Variants in EML4 observed in about 807,000 individuals in gnomAD.
EML4 encodes echinoderm microtubule-associated protein-like 4.
A neutral mutation model predicts 129.0 loss-of-function variants in EML4; 72 were observed. The ratio of observed to expected loss-of-function variants is 0.56; its 90% CI spans 0.46 to 0.68. EML4 has a LOEUF of 0.68. EML4 is among the 30% of genes least tolerant of loss of function. The pLI is 0.00. For missense variants in EML4, 1,363 were observed against 1,190.6 expected (o/e 1.14, Z -2.13); for synonymous variants, 532 against 405.0 (o/e 1.31, Z -3.77).
intron 6 of EML4, among the ~76,000 whole-genome samples, chr2:42,278,352 T>C (rs191129182): frequency 1.8e-4 from 27 of 151,996 alleles, no homozygotes; most frequent in African/African-American, 6.3e-4. Context: ...GGGGCGCGGA[T>C]CACTTGAAGT....
intron 4 of EML4, among the ~76,000 whole-genome samples, chr2:42,261,973 G>A (rs775299668): frequency 6.6e-6 from 1 of 152,140 alleles, no homozygotes; most frequent in African/African-American, 2.4e-5. Flanking sequence ...CAGTGCTACA[G>A]CTGCCTCCTA....
chr2:42,232,012 T>A lies in EML4; in HGVS notation c.26-13493T>A, dbSNP rs561252183. ...AAATTTCTGGCAGTAATTTTTTTTT[T>A]AAATTCTCAGCACTTTGAAAATTTT... On this transcript the variant is annotated intron_variant, in intron 1 of 22. Transcript: ENST00000318522. 6.4e-4 allele frequency among the ~76,000 whole-genome samples: 98 copies of A among 152,266 alleles called. 1 individual carries two copies. Among genetic ancestry groups the A allele is most frequent in the African/African-American group, 2.0e-3 (83 of 41,560 alleles).
rs766615137 is a variant in EML4, at chr2:42,281,002, C to A, written c.791+29C>A. On this transcript the variant is annotated intron_variant, in intron 7 of 22. Coordinates refer to ENST00000318522, the MANE Select transcript of EML4 (RefSeq NM_019063.5). ...TCCTTCTCTACCATGACAGCAAATT[C>A]ATTTGCTTTGTCTCTAGTTAACAAA... 5.9e-6 allele frequency: 9 copies of A among 1,526,822 alleles called. No homozygotes were observed. The Admixed American group carries it at 1.8e-4, about 30-fold the overall frequency. The allele number at this position is 1,526,822 out of a possible 1,614,324, so 94.6% of individuals were successfully genotyped here. A position where few individuals can be genotyped will look rare whatever the true frequency, so the allele number is the denominator to read the frequency against.
chr2:42,264,224 C>T (rs928397276), intron 5 of EML4, among the ~76,000 whole-genome samples: 4 of 148,294 alleles, frequency 2.7e-5, no homozygotes, highest in Non-Finnish European at 5.9e-5. Flanking sequence ...AGGTGATTCT[C>T]CTACCCCAGC....
At chr2:42,260,989 A>C (rs1665697865) in intron 3 of EML4, 132 bp from the exon 4 acceptor site, 1 of 638,194 alleles carries the variant, frequency 1.6e-6, no homozygotes, top group African/African-American at 1.8e-5. Context: ...GTCCTTATTG[A>C]ATGAAAACAG....
chr2:42,319,625 A>C (rs1279131005), intron 19 of EML4: 1 of 152,194 alleles, frequency 6.6e-6, no homozygotes, highest in African/African-American at 2.4e-5. Context: ...GGACAGGCAA[A>C]ACTGGGTCAA....
chr2:42,188,156 G>C (rs573276577), intron 1 of EML4, among the ~76,000 whole-genome samples: 1 of 152,034 alleles, frequency 6.6e-6, no homozygotes, highest in East Asian at 1.9e-4. Context: ...TGTAGATGGA[G>C]TTCTGCACTC....
intron 1 of EML4, among the ~76,000 whole-genome samples, chr2:42,225,406 T>C (rs1266214338): frequency 6.6e-6 from 1 of 152,182 alleles, no homozygotes; most frequent in Non-Finnish European, 1.5e-5. Context: ...CGTATGTTCA[T>C]GTGCTTATTG....
intron 18 of EML4, among the ~76,000 whole-genome samples, chr2:42,316,350 A>G (rs1047769307): frequency 6.6e-6 from 1 of 152,232 alleles, no homozygotes; most frequent in African/African-American, 2.4e-5. Context: ...AGAATTTTGA[A>G]TAGGTATTAG....
intron 16 of EML4, 136 bp downstream of exon 16, chr2:42,303,582 G>A: frequency 1.0e-6 from 1 of 961,872 alleles, no homozygotes; most frequent in East Asian, 2.6e-5. Context: ...AGAGGGTGGA[G>A]ATAAGAGGGT....
chr2:42,212,005 C>T (rs1021752909), intron 1 of EML4, among the ~76,000 whole-genome samples: 3 of 151,982 alleles, frequency 2.0e-5, no homozygotes, highest in African/African-American at 4.8e-5. Context: ...CCACCACGCC[C>T]AGCTAATTAT....
intron 3 of EML4, among the ~76,000 whole-genome samples, chr2:42,259,350 A>T (rs554760951): frequency 2.6e-5 from 4 of 152,116 alleles, no homozygotes; most frequent in African/African-American, 4.8e-5. Context: ...CATCAGCTTT[A>T]TAATATTGTC....
chr2:42,243,149 G>A (rs1474380992), intron 1 of EML4, among the ~76,000 whole-genome samples: 2 of 152,206 alleles, frequency 1.3e-5, no homozygotes, highest in East Asian at 3.9e-4. Context: ...AGTATGGGGC[G>A]CAGAGGGTAA....
chr2:42,281,840 G>A (rs1461107015), intron 7 of EML4, among the ~76,000 whole-genome samples: 1 of 152,162 alleles, frequency 6.6e-6, no homozygotes, highest in Admixed American at 6.5e-5. Context: ...AACAGAAGGA[G>A]TTGGTAGTTT....
chr2:42,220,763 G>T (rs1673539241), intron 1 of EML4, among the ~76,000 whole-genome samples: 1 of 152,164 alleles, frequency 6.6e-6, no homozygotes, highest in Admixed American at 6.5e-5. Flanking sequence ...AGTTGTGAAT[G>T]CAGAGAAAAA....
Position 42,256,543 on chromosome 2 carries a change from C to A in EML4, c.251C>A (p.Thr84Asn). The A allele has an allele frequency of 6.2e-7, 1 of 1,613,528 alleles. No homozygotes were observed. The highest frequency in any genetic ancestry group is 8.5e-7 in the Non-Finnish European group (1 of 1,179,696). ...PRAVIPMSCI[T>N]NGSGANRKPS... ...GCAGTTATTCCCATGTCCTGTATAA[C>A]CAATGGAAGTGGTGCAAACAGAAAA... Residue 84 changes from threonine to asparagine, a missense_variant, in exon 3 of 23, where the codon ACC (threonine) becomes AAC (asparagine). Thr to Asn is a moderately conservative substitution (Grantham distance 65). Coordinates refer to ENST00000318522, the MANE Select transcript of EML4 (RefSeq NM_019063.5).
intron 1 of EML4, among the ~76,000 whole-genome samples, chr2:42,220,108 C>CA (rs1232604830): frequency 6.6e-6 from 1 of 151,862 alleles, no homozygotes; most frequent in Non-Finnish European, 1.5e-5. Context: ...GCAAAATTCT[C>CA]AAAAAATTGT....
chr2:42,295,094 T>G (rs760912498), intron 11 of EML4, 31 bp from the exon 12 acceptor site: 1 of 1,583,122 alleles, frequency 6.3e-7, no homozygotes, highest in East Asian at 2.2e-5. Context: ...AGGATATACA[T>G]TCATCTAAAG....
chr2:42,241,224 C>T (rs1675010798), intron 1 of EML4, among the ~76,000 whole-genome samples: 1 of 151,936 alleles, frequency 6.6e-6, no homozygotes, highest in Non-Finnish European at 1.5e-5. Context: ...TATTCTACCA[C>T]AGCTTTTATT....
Sources: allele counts gnomAD v4.1 joint callset (sites outside exome capture counted in the v4.1 genomes callset), GRCh38; gene constraint gnomAD v4.1.1; transcripts MANE v1.5; gene names NCBI Gene and HGNC (gene_info 2026-07-23, HGNC 2026-07-21).